The following FRMD4A variants were observed in gnomAD, a reference collection of about 807,000 sequenced individuals.
FRMD4A encodes the protein FERM domain-containing protein 4A.
FRMD4A carries 29 observed loss-of-function variants against 129.1 expected under a neutral mutation model. That is an observed-to-expected ratio of 0.22 (90% CI 0.17 to 0.31). The LOEUF (loss-of-function observed/expected upper bound fraction) is 0.31. Among genes scored for constraint, FRMD4A ranks in the 10% least tolerant of loss-of-function variants. The pLI, the probability that FRMD4A is intolerant of heterozygous loss-of-function variation, is 1.00. For missense variants in FRMD4A, 1,272 were observed against 1,375.8 expected, an observed-to-expected ratio of 0.92 and a Z score of 1.19; for synonymous variants, 634 against 571.6, an observed-to-expected ratio of 1.11 and a Z score of -1.56.
chr10:13,868,249 A>C (rs2094398752), intron 2 of FRMD4A, among the ~76,000 whole-genome samples: 1 of 152,014 alleles, frequency 6.6e-6, no homozygotes, highest in Admixed American at 6.6e-5. Context: ...ATTTTATAAA[A>C]ATTTTATATA....
At chr10:14,311,671 A>T (rs1263044231) in intron 2 of FRMD4A, among the ~76,000 whole-genome samples, 2 of 147,652 alleles carry the variant, frequency 1.4e-5, no homozygotes, top group African/African-American at 5.0e-5. Context: ...TGGTCATGGC[A>T]GCCACGTCTT....
intron 2 of FRMD4A, among the ~76,000 whole-genome samples, chr10:13,868,335 C>T (rs1015041468): frequency 3.3e-5 from 5 of 151,856 alleles, no homozygotes; most frequent in African/African-American, 4.8e-5. Context: ...TACTTTTGTT[C>T]GGTTCTCAAG....
chr10:14,029,518 G>T (rs1156550689), intron 2 of FRMD4A, among the ~76,000 whole-genome samples: 1 of 152,160 alleles, frequency 6.6e-6, no homozygotes, highest in Non-Finnish European at 1.5e-5. Context: ...GTAGGCAATT[G>T]CATATACAAA....
At chr10:13,872,731 T>G (rs2094451191) in intron 2 of FRMD4A, among the ~76,000 whole-genome samples, 1 of 152,324 alleles carries the variant, frequency 6.6e-6, no homozygotes, top group East Asian at 1.9e-4. Flanking sequence ...CTTTGCCACA[T>G]GGAGCTCTGG....
At chr10:13,651,759 TAGTTCC>T (rs57424487) in intron 24 of FRMD4A, 138 bp downstream of exon 24, 15,245 of 633,154 alleles carry the variant, frequency 0.024, 808 homozygotes, top group African/African-American at 0.14. Context: ...GCTAAAAACA[TAGTTCC>T]AGTTCCCCAT....
intron 12 of FRMD4A, 38 bp from the exon 13 acceptor site, chr10:13,707,151 G>T: frequency 8.6e-7 from 1 of 1,161,906 alleles, no homozygotes; most frequent in Non-Finnish European, 1.3e-6. Flanking sequence ...CTCAGGAGGG[G>T]CTGGCTCCTG....
chr10:13,926,671 C>T (rs2095136922), intron 2 of FRMD4A, among the ~76,000 whole-genome samples: 1 of 152,190 alleles, frequency 6.6e-6, no homozygotes, highest in South Asian at 2.1e-4. Context: ...TCACTCAGGG[C>T]TCACTGACCA....
intron 2 of FRMD4A, among the ~76,000 whole-genome samples, chr10:14,206,820 A>AAAAAAAAAAAAAAAAAAAAG (rs1429238276): frequency 2.0e-4 from 26 of 127,478 alleles, no homozygotes; most frequent in South Asian, 5.1e-4. Context: ...AAAAAAAAAA[A>AAAAAAAAAAAAAAAAAAAAG]AGAGAGACAG....
At chr10:13,954,037 G>C (rs142089457) in intron 2 of FRMD4A, among the ~76,000 whole-genome samples, 1 of 152,142 alleles carries the variant, frequency 6.6e-6, no homozygotes, top group East Asian at 1.9e-4. Flanking sequence ...CAAATCACAA[G>C]CAAAAACCAG....
intron 2 of FRMD4A, among the ~76,000 whole-genome samples, chr10:13,916,047 C>T (rs781199856): frequency 3.3e-5 from 5 of 152,202 alleles, no homozygotes; most frequent in Non-Finnish European, 5.9e-5. Context: ...TTGGAGAAGT[C>T]GCAATGATCT....
intron 2 of FRMD4A, among the ~76,000 whole-genome samples, chr10:13,871,352 A>C (rs1248946471): frequency 6.6e-6 from 1 of 152,206 alleles, no homozygotes; most frequent in Non-Finnish European, 1.5e-5. Flanking sequence ...ACACCGGACC[A>C]GCGGCCTCTG....
intron 6 of FRMD4A, among the ~76,000 whole-genome samples, chr10:13,764,506 TAAAC>T (rs74976375): frequency 0.25 from 37,336 of 149,632 alleles, 5,338 homozygotes; most frequent in East Asian, 0.52. Context: ...CTGCCTCAAA[TAAAC>T]AAACAAACAA....
intron 2 of FRMD4A, among the ~76,000 whole-genome samples, chr10:14,167,499 T>C (rs139841130): frequency 9.5e-4 from 118 of 124,280 alleles, no homozygotes; most frequent in African/African-American, 3.6e-3. Context: ...ATCATGCCAC[T>C]GCATTCCAGC....
intron 17 of FRMD4A, chr10:13,667,663 C>G (rs1001066953): frequency 3.3e-5 from 5 of 152,268 alleles, no homozygotes; most frequent in Admixed American, 3.3e-4. Flanking sequence ...GAATCCCCCG[C>G]AAAGCGTCAG....
At chr10:13,862,968 T>A (rs2094314860) in intron 2 of FRMD4A, among the ~76,000 whole-genome samples, 1 of 151,834 alleles carries the variant, frequency 6.6e-6, no homozygotes, top group Admixed American at 6.6e-5. Flanking sequence ...TTTTTTTCAT[T>A]TCCAGCTGTT....
intron 2 of FRMD4A, among the ~76,000 whole-genome samples, chr10:14,315,126 A>G (rs112283864): frequency 0.029 from 4,307 of 149,616 alleles, 179 homozygotes; most frequent in African/African-American, 0.099. Context: ...CTCTCCTTCC[A>G]CTCCCTCCCC....
chr10:14,174,212 G>A (rs1437154725), intron 2 of FRMD4A, among the ~76,000 whole-genome samples: 1 of 151,978 alleles, frequency 6.6e-6, no homozygotes, highest in Admixed American at 6.5e-5. Flanking sequence ...CCCAGCGCCT[G>A]CAAAGCGCCG....
At chr10:14,100,007 A>G (rs1007831626) in intron 2 of FRMD4A, among the ~76,000 whole-genome samples, 2 of 152,066 alleles carry the variant, frequency 1.3e-5, no homozygotes, top group African/African-American at 4.8e-5. Flanking sequence ...CCTGCCATTT[A>G]TACAAACACT....
At chr10:13,983,766 G>A (rs1183700904) in intron 2 of FRMD4A, among the ~76,000 whole-genome samples, 4 of 152,062 alleles carry the variant, frequency 2.6e-5, no homozygotes, top group East Asian at 1.9e-4. Flanking sequence ...TTGGGAGGCC[G>A]AGGCAGGCGG....
Sources: allele counts gnomAD v4.1 joint callset (sites outside exome capture counted in the v4.1 genomes callset), GRCh38; gene constraint gnomAD v4.1.1; transcripts MANE v1.5; gene names NCBI Gene and HGNC (gene_info 2026-07-23, HGNC 2026-07-21).